Variants in ROBO2 observed in about 807,000 individuals in gnomAD.
ROBO2 encodes roundabout homolog 2.
ROBO2 carries 53 observed loss-of-function variants against 160.8 expected under a neutral mutation model. The ratio of observed to expected loss-of-function variants is 0.33; its 90% CI spans 0.26 to 0.41. ROBO2 has a LOEUF of 0.41. Ranked by LOEUF, ROBO2 falls within the 10% of genes least tolerant of loss-of-function variation. The pLI is 1.00. For missense variants in ROBO2, 1,577 were observed against 1,722.4 expected, an observed-to-expected ratio of 0.92 and a Z score of 1.49; for synonymous variants, 664 against 611.7, an observed-to-expected ratio of 1.09 and a Z score of -1.26.
intron 2 of ROBO2, among the ~76,000 whole-genome samples, chr3:76,983,984 G>A (rs1383144844): frequency 4.6e-5 from 7 of 152,170 alleles, no homozygotes; most frequent in South Asian, 2.1e-4. Flanking sequence ...CAAAGGAGAC[G>A]CAGGCACCTT....
intron 2 of ROBO2, among the ~76,000 whole-genome samples, chr3:76,789,806 T>C (rs1560565617): frequency 6.6e-6 from 1 of 151,598 alleles, no homozygotes; most frequent in African/African-American, 2.4e-5. Flanking sequence ...ATGTCATGTA[T>C]TAAGTCAAGG....
chr3:76,859,123 A>G (rs975314530), intron 2 of ROBO2, among the ~76,000 whole-genome samples: 2 of 152,186 alleles, frequency 1.3e-5, no homozygotes, highest in African/African-American at 2.4e-5. Flanking sequence ...ATGAGAGTTG[A>G]TTTCTTGAGT....
chr3:77,572,669 T>A (rs1038292583), intron 13 of ROBO2, among the ~76,000 whole-genome samples: 3 of 124,028 alleles, frequency 2.4e-5, no homozygotes, highest in Non-Finnish European at 3.5e-5. Context: ...ACACACACAC[T>A]CACTTAATTG....
At chr3:76,862,222 A>G (rs1392462663) in intron 2 of ROBO2, among the ~76,000 whole-genome samples, 2 of 152,164 alleles carry the variant, frequency 1.3e-5, no homozygotes, top group African/African-American at 4.8e-5. Flanking sequence ...CCCAGAAAGT[A>G]CTTACATGGT....
At chr3:76,685,981 A>C (rs1004092182) in intron 2 of ROBO2, among the ~76,000 whole-genome samples, 1 of 152,130 alleles carries the variant, frequency 6.6e-6, no homozygotes, top group Non-Finnish European at 1.5e-5. Context: ...AGCATAAGCA[A>C]AAGGTTAATG....
intron 2 of ROBO2, among the ~76,000 whole-genome samples, chr3:76,889,771 A>C (rs1300061000): frequency 6.6e-6 from 1 of 152,238 alleles, no homozygotes; most frequent in Non-Finnish European, 1.5e-5. Flanking sequence ...AAATTGGAAT[A>C]GAGAGTGCTT....
At chr3:77,505,355 A>G (rs1272756145) in intron 5 of ROBO2, among the ~76,000 whole-genome samples, 1 of 152,160 alleles carries the variant, frequency 6.6e-6, no homozygotes. Context: ...CAATTGGCAA[A>G]TAATTGTATG....
chr3:77,603,496 G>A (rs182033869), intron 20 of ROBO2, among the ~76,000 whole-genome samples: 6 of 152,050 alleles, frequency 3.9e-5, no homozygotes, highest in Admixed American at 3.9e-4. Context: ...CCATATAATA[G>A]GATTTTTTAT....
intron 2 of ROBO2, among the ~76,000 whole-genome samples, chr3:76,608,564 G>T (rs907066233): frequency 6.6e-6 from 1 of 152,126 alleles, no homozygotes; most frequent in Non-Finnish European, 1.5e-5. Flanking sequence ...CTGTGCAGAA[G>T]ACCTTTAACT....
chr3:76,553,565 A>T (rs2083538337), intron 2 of ROBO2, among the ~76,000 whole-genome samples: 1 of 152,142 alleles, frequency 6.6e-6, no homozygotes, highest in Non-Finnish European at 1.5e-5. Flanking sequence ...GAAACCTTAG[A>T]TTTTATTACA....
intron 2 of ROBO2, among the ~76,000 whole-genome samples, chr3:76,488,685 G>A (rs1341616171): frequency 6.6e-6 from 1 of 151,966 alleles, no homozygotes; most frequent in African/African-American, 2.4e-5. Flanking sequence ...TCCCTGGAGT[G>A]ATATCCCACC....
intron 2 of ROBO2, among the ~76,000 whole-genome samples, chr3:77,382,797 A>C (rs1041857805): frequency 5.9e-5 from 9 of 152,050 alleles, no homozygotes; most frequent in Non-Finnish European, 1.3e-4. Context: ...TATATACCAC[A>C]TTTTCTTTAT....
At chr3:75,943,049 TTTAGA>T (rs1948127686) in intron 2 of ROBO2, among the ~76,000 whole-genome samples, 1 of 152,134 alleles carries the variant, frequency 6.6e-6, no homozygotes, top group Non-Finnish European at 1.5e-5. Context: ...TTTTTTATAA[TTTAGA>T]TTAGATGATT....
intron 2 of ROBO2, among the ~76,000 whole-genome samples, chr3:76,137,603 T>A (rs2106728643): frequency 6.6e-6 from 1 of 151,810 alleles, no homozygotes; most frequent in East Asian, 1.9e-4. Context: ...CTGCCAACAA[T>A]CAACTGCACT....
At chr3:77,382,194 A>C (rs981397107) in intron 2 of ROBO2, among the ~76,000 whole-genome samples, 1 of 152,196 alleles carries the variant, frequency 6.6e-6, no homozygotes, top group Non-Finnish European at 1.5e-5. Flanking sequence ...CTGCACCGTA[A>C]GAGTGAACCG....
At chr3:76,721,304 G>T (rs1287426175) in intron 2 of ROBO2, among the ~76,000 whole-genome samples, 1 of 152,050 alleles carries the variant, frequency 6.6e-6, no homozygotes, top group Non-Finnish European at 1.5e-5. Flanking sequence ...TCTGTGATAA[G>T]AGAAATAAAC....
At chr3:76,628,388 C>T (rs951644287) in intron 2 of ROBO2, among the ~76,000 whole-genome samples, 6 of 151,510 alleles carry the variant, frequency 4.0e-5, no homozygotes, top group Non-Finnish European at 1.5e-5. Context: ...CTACAGCCTC[C>T]AGAGTAGCTG....
intron 1 of ROBO2, among the ~76,000 whole-genome samples, chr3:75,931,188 A>G (rs185378211): frequency 6.6e-6 from 1 of 152,266 alleles, no homozygotes; most frequent in East Asian, 1.9e-4. Flanking sequence ...ACATGCCAAG[A>G]TGTTGCTCAT....
At chr3:75,988,739 A>G (rs2065484002) in intron 2 of ROBO2, among the ~76,000 whole-genome samples, 1 of 151,872 alleles carries the variant, frequency 6.6e-6, no homozygotes, top group African/African-American at 2.4e-5. Context: ...GTAATGATCC[A>G]TTAGTTGTTT....
Sources: allele counts gnomAD v4.1 joint callset (sites outside exome capture counted in the v4.1 genomes callset), GRCh38; gene constraint gnomAD v4.1.1; transcripts MANE v1.5; gene names NCBI Gene and HGNC (gene_info 2026-07-23, HGNC 2026-07-21).